RAPGEF6: variants seen among roughly 807,000 people sequenced by gnomAD.
RAPGEF6 encodes the protein PDZ domain containing guanine nucleotide exchange factor (GEF) 2.
RAPGEF6 carries 56 observed loss-of-function variants against 171.4 expected under a neutral mutation model. That is an observed-to-expected ratio of 0.33 (90% CI 0.26 to 0.41). The LOEUF is 0.41. Among genes scored for constraint, RAPGEF6 ranks in the 10% least tolerant of loss-of-function variants. RAPGEF6 has a pLI of 1.00. For synonymous variants in RAPGEF6, 692 were observed against 650.1 expected, an observed-to-expected ratio of 1.06 and a Z score of -0.98; for missense variants, 1,674 against 1,921.4, an observed-to-expected ratio of 0.87 and a Z score of 2.41.
At chr5:131,451,413 A>C (rs1284626377) in intron 21 of RAPGEF6, among the ~76,000 whole-genome samples, 2 of 150,526 alleles carry the variant, frequency 1.3e-5, no homozygotes, top group African/African-American at 4.9e-5. Flanking sequence ...GTGAAACCCT[A>C]TCTCTACTGG....
At chr5:131,610,296 C>T (rs140312217) in intron 1 of RAPGEF6, among the ~76,000 whole-genome samples, 1 of 152,320 alleles carries the variant, frequency 6.6e-6, no homozygotes, top group African/African-American at 2.4e-5. Context: ...GGCCTATACT[C>T]TTGCCAGGCA....
At position 131,494,636 on chromosome 5, in the gene RAPGEF6, T is replaced by C. The variant is rs115570829; in HGVS notation, c.1527+917A>G. ...GGACCTGAATATATGGGTGAGGAACTGCTTTGGTAGGAAGTATAGATTACT... is the reference window on the plus strand; with the variant it reads ...GGACCTGAATATATGGGTGAGGAACCGCTTTGGTAGGAAGTATAGATTACT... On this transcript the variant is annotated intron_variant, in intron 13 of 27. Coordinates refer to ENST00000509018, the MANE Select transcript of RAPGEF6 (RefSeq NM_016340.6). 3.8e-3 allele frequency among the ~76,000 whole-genome samples: 576 copies of C among 152,268 alleles called. 1 individual carries two copies. Among genetic ancestry groups the C allele is most frequent in the Non-Finnish European group, 5.7e-3 (387 of 68,024 alleles).
intron 17 of RAPGEF6, among the ~76,000 whole-genome samples, chr5:131,468,489 G>A (rs761132301): frequency 1.6e-4 from 20 of 128,488 alleles, no homozygotes; most frequent in East Asian, 5.9e-4. Flanking sequence ...ATCTTACAGC[G>A]GTAAAATTAA....
At chr5:131,536,878 C>T (rs1053765862) in intron 6 of RAPGEF6, among the ~76,000 whole-genome samples, 2 of 152,110 alleles carry the variant, frequency 1.3e-5, no homozygotes, top group African/African-American at 2.4e-5. Context: ...AAAAAATGAA[C>T]TCTCATTTAA....
At chr5:131,481,204 C>T (rs774534173) in intron 15 of RAPGEF6, among the ~76,000 whole-genome samples, 2 of 151,806 alleles carry the variant, frequency 1.3e-5, no homozygotes, top group Non-Finnish European at 2.9e-5. Context: ...GGATTACAGG[C>T]GTGAGCCACC....
In RAPGEF6 at chr5:131,508,247, G is replaced by A. The variant is rs375441840; in HGVS notation, c.806-40C>T. On this transcript the variant is annotated intron_variant, in intron 8 of 27. Coordinates refer to ENST00000509018, the MANE Select transcript of RAPGEF6 (RefSeq NM_016340.6). The stretch of plus-strand genomic sequence containing the variant: ...AAATTCTGGTATAAAGACCATCGAG[G>A]ACTATACCTTAAAAATACAACGAAA... 8.4e-5 allele frequency: 127 copies of A among 1,513,218 alleles called. 1 individual carries two copies. The African/African-American group carries it at 1.7e-3, about 20-fold the overall frequency. 93.7% of individuals were successfully genotyped at this position (1,513,218 alleles called of 1,614,324 possible). A position where few individuals can be genotyped will look rare whatever the true frequency, so the allele number is the denominator to read the frequency against.
intron 4 of RAPGEF6, among the ~76,000 whole-genome samples, chr5:131,572,229 C>A (rs554704076): frequency 5.3e-5 from 8 of 152,264 alleles, no homozygotes; most frequent in African/African-American, 1.9e-4. Flanking sequence ...CTCACGCTCC[C>A]TCCGTGAGGA....
intron 1 of RAPGEF6, among the ~76,000 whole-genome samples, chr5:131,629,327 A>G (rs1766145605): frequency 6.6e-6 from 1 of 152,006 alleles, no homozygotes; most frequent in African/African-American, 2.4e-5. Flanking sequence ...AGAAAAAAAA[A>G]ATTGTGAAGC....
chr5:131,475,132 C>T (rs1249489020), intron 16 of RAPGEF6, among the ~76,000 whole-genome samples: 1 of 152,134 alleles, frequency 6.6e-6, no homozygotes, highest in African/African-American at 2.4e-5. Context: ...GTTACAAATT[C>T]GTAGTAATTA....
chr5:131,495,511 G>T, intron 13 of RAPGEF6, 42 bp downstream of exon 13: 2 of 1,486,026 alleles, frequency 1.3e-6, no homozygotes, highest in South Asian at 2.3e-5. Flanking sequence ...GTTGAGGGGG[G>T]ACCACTACAC....
At chr5:131,571,120 T>C (rs1762254902) in intron 4 of RAPGEF6, among the ~76,000 whole-genome samples, 1 of 152,024 alleles carries the variant, frequency 6.6e-6, no homozygotes, top group Admixed American at 6.6e-5. Flanking sequence ...TTTTGTATTT[T>C]TAGTAGAGCC....
intron 4 of RAPGEF6, among the ~76,000 whole-genome samples, chr5:131,591,880 G>A (rs1214583897): frequency 6.6e-6 from 1 of 151,984 alleles, no homozygotes; most frequent in East Asian, 1.9e-4. Flanking sequence ...CTTTGGAGAT[G>A]GAGTTTCGCT....
At chr5:131,446,421 G>T in intron 22 of RAPGEF6, 62 bp downstream of exon 22, 1 of 1,448,670 alleles carries the variant, frequency 6.9e-7, no homozygotes, top group Non-Finnish European at 9.4e-7. Flanking sequence ...TATAATTCTA[G>T]AGAAATAAGT....
At chr5:131,580,246 C>T (rs1041552057) in intron 4 of RAPGEF6, among the ~76,000 whole-genome samples, 1 of 152,182 alleles carries the variant, frequency 6.6e-6, no homozygotes, top group Non-Finnish European at 1.5e-5. Flanking sequence ...GCTGGGGGAA[C>T]CAGCGCCTCC....
intron 17 of RAPGEF6, among the ~76,000 whole-genome samples, chr5:131,467,576 C>T (rs1754446825): frequency 1.3e-5 from 2 of 152,192 alleles, no homozygotes; most frequent in Admixed American, 1.3e-4. Flanking sequence ...ATTTGGCATG[C>T]AGCAGACACT....
chr5:131,619,905 ATCTC>A (rs1283124379), intron 1 of RAPGEF6, among the ~76,000 whole-genome samples: 4 of 152,172 alleles, frequency 2.6e-5, no homozygotes, highest in African/African-American at 9.7e-5. Flanking sequence ...AGACTAATTA[ATCTC>A]TCTGTGATTC....
At chr5:131,505,281 CT>C in intron 10 of RAPGEF6, 82 bp downstream of exon 10, 1 of 1,362,600 alleles carries the variant, frequency 7.3e-7, no homozygotes, top group Non-Finnish European at 1.0e-6. Flanking sequence ...TCAAATAAAG[CT>C]ATTTTCTTTT....
intron 1 of RAPGEF6, among the ~76,000 whole-genome samples, chr5:131,622,128 A>T (rs557322478): frequency 6.6e-6 from 1 of 152,254 alleles, no homozygotes; most frequent in East Asian, 1.9e-4. Context: ...TCATTTAATA[A>T]TCCTATAAAT....
intron 6 of RAPGEF6, among the ~76,000 whole-genome samples, chr5:131,546,012 T>A (rs1460065844): frequency 6.6e-6 from 1 of 152,166 alleles, no homozygotes; most frequent in Non-Finnish European, 1.5e-5. Flanking sequence ...ATCTAGAAGA[T>A]GACAACTCTC....
Sources: gnomAD v4.1 joint callset for allele counts (sites outside exome capture counted in the v4.1 genomes callset) on GRCh38, gnomAD v4.1.1 for gene constraint, MANE v1.5 for transcripts, NCBI Gene and HGNC (gene_info 2026-07-23, HGNC 2026-07-21) for gene names.